Variants in SLC9A7 observed in about 807,000 individuals in gnomAD.
The protein encoded by SLC9A7 is sodium/hydrogen exchanger 7.
SLC9A7 carries 19 observed loss-of-function variants against 52.6 expected under a neutral mutation model. That is an observed-to-expected ratio of 0.36 (90% CI 0.25 to 0.53). The LOEUF (loss-of-function observed/expected upper bound fraction) is 0.53, where lower values mean the gene tolerates loss of function less well. Among genes scored for constraint, SLC9A7 ranks in the 20% least tolerant of loss-of-function variants. The pLI, the probability that SLC9A7 is intolerant of heterozygous loss-of-function variation, is 0.91. For synonymous variants in SLC9A7, 226 were observed against 252.1 expected, an observed-to-expected ratio of 0.90 and a Z score of 0.98; for missense variants, 455 against 597.9, an observed-to-expected ratio of 0.76 and a Z score of 2.49.
At chrX:46,674,683 A>C (rs1363161132) in intron 3 of SLC9A7, among the ~76,000 whole-genome samples, 1 of 111,969 alleles carries the variant, frequency 8.9e-6, no homozygotes, top group East Asian at 2.8e-4. Flanking sequence ...TCTTTGGGAA[A>C]GAAAGGACAG....
intron 1 of SLC9A7, among the ~76,000 whole-genome samples, chrX:46,709,446 ACTAAG>A (rs1944655423): frequency 9.0e-6 from 1 of 111,055 alleles, no homozygotes; most frequent in African/African-American, 3.3e-5. Flanking sequence ...ATTTAAAGGT[ACTAAG>A]CTATCATAAT....
At position 46,621,696 on chromosome X, in the gene SLC9A7, G is replaced by A. The variant is rs190980493; in HGVS notation, c.1741-637C>T. ...TCCTTGCTACTCTCATGCCCTTCCA[G>A]TTTAAACATCCCCATCGTGTAACTT... is the stretch of plus-strand genomic sequence containing the variant. On this transcript the variant is annotated intron_variant, in intron 14 of 16. Transcript: ENST00000616978. 1.3e-4 allele frequency among the ~76,000 whole-genome samples: 15 copies of A among 112,194 alleles called. No individual in the cohort carries two copies. In the Admixed American group the frequency reaches 1.4e-3, roughly 11 times the overall value.
At chrX:46,738,091 GAAAGAAAGAAAGAAAGAGAAA>G (rs1569525276) in intron 1 of SLC9A7, among the ~76,000 whole-genome samples, 10 of 62,522 alleles carry the variant, frequency 1.6e-4, no homozygotes, top group African/African-American at 3.4e-4. Context: ...AAGAAAGAAA[GAAAGAAAGAAAGAAAGAGAAA>G]AGAAAAGAAA....
chrX:46,699,189 T>C (rs1050472035), intron 1 of SLC9A7, among the ~76,000 whole-genome samples: 3 of 111,904 alleles, frequency 2.7e-5, no homozygotes, highest in Non-Finnish European at 5.6e-5. Flanking sequence ...ATATACAAAA[T>C]GTTACAGTTA....
At chrX:46,650,023 G>A (rs1377211653) in intron 10 of SLC9A7, among the ~76,000 whole-genome samples, 1 of 112,376 alleles carries the variant, frequency 8.9e-6, no homozygotes, top group East Asian at 2.8e-4. Flanking sequence ...GGTAAGCATG[G>A]AAATCCAAGA....
Position 46,606,613 on chromosome X carries a change from C to T in SLC9A7, c.*339G>A, listed in dbSNP as rs1942747426. The T allele has an allele frequency of 1.1e-6, 1 of 902,802 alleles. No individual in the cohort carries two copies. The highest frequency in any genetic ancestry group is 1.4e-6 in the Non-Finnish European group (1 of 733,117). The allele number at this position is 902,802 out of a possible 1,213,427, so 74.4% of individuals were successfully genotyped here. A position where few individuals can be genotyped will look rare whatever the true frequency, so the allele number is the denominator to read the frequency against. ...TGCAGCCTCTCATGGGAGGAATCCC[C>T]CCACCCAGCACCTGCCTCGCCTTGT... is the stretch of plus-strand genomic sequence containing the variant. On this transcript the variant is annotated 3_prime_UTR_variant, in exon 17 of 17. Coordinates refer to ENST00000616978, the MANE Select transcript of SLC9A7 (RefSeq NM_001257291.2).
At chrX:46,749,910 G>A (rs1010872598) in intron 1 of SLC9A7, among the ~76,000 whole-genome samples, 2 of 109,913 alleles carry the variant, frequency 1.8e-5, no homozygotes, top group East Asian at 2.9e-4. Flanking sequence ...GTGAAACCCC[G>A]TCTCTACTAA....
Position 46,606,134 on chromosome X carries a change from G to A in SLC9A7, c.*818C>T. On this transcript the variant is annotated 3_prime_UTR_variant, in exon 17 of 17. Transcript: ENST00000616978. ...CACGCCACTGCACTCCAGCCTGGGT[G>A]ACAGAGTGAAACACCATCTCAACAA... is the stretch of plus-strand genomic sequence containing the variant. 8.3e-6 allele frequency: 4 copies of A among 479,325 alleles called. No homozygotes were observed. Among genetic ancestry groups the A allele is most frequent in the Non-Finnish European group, 1.0e-5 (4 of 389,034 alleles). 39.5% of individuals were successfully genotyped at this position (479,325 alleles called of 1,213,427 possible).
At chrX:46,648,943 C>T in intron 10 of SLC9A7, 146 bp from the exon 11 acceptor site, 1 of 424,900 alleles carries the variant, frequency 2.4e-6, no homozygotes, top group Non-Finnish European at 4.0e-6. Flanking sequence ...TGTCTAGTTC[C>T]CCCCTAGACA....
chrX:46,615,169 A>G (rs905116122), intron 15 of SLC9A7, among the ~76,000 whole-genome samples: 1 of 111,768 alleles, frequency 8.9e-6, no homozygotes, highest in African/African-American at 3.3e-5. Context: ...CAGCCTCCCA[A>G]GTAGCTGGGA....
intron 16 of SLC9A7, among the ~76,000 whole-genome samples, chrX:46,610,162 T>C (rs1942825390): frequency 8.9e-6 from 1 of 112,869 alleles, no homozygotes; most frequent in Non-Finnish European, 1.9e-5. Context: ...GCTGAAGGTC[T>C]ATATAATCAT....
At chrX:46,735,896 CT>C (rs1349177306) in intron 1 of SLC9A7, among the ~76,000 whole-genome samples, 15 of 111,236 alleles carry the variant, frequency 1.3e-4, no homozygotes, top group African/African-American at 4.6e-4. Context: ...ACTCCTCCCC[CT>C]GCCCTCTCCC....
At chrX:46,691,880 T>C (rs933751802) in intron 1 of SLC9A7, among the ~76,000 whole-genome samples, 1 of 111,147 alleles carries the variant, frequency 9.0e-6, no homozygotes, top group Non-Finnish European at 1.9e-5. Flanking sequence ...ATTTTACAGT[T>C]ATATAGGGTT....
intron 1 of SLC9A7, among the ~76,000 whole-genome samples, chrX:46,742,728 T>G (rs772215437): frequency 8.9e-6 from 1 of 111,925 alleles, no homozygotes; most frequent in South Asian, 3.7e-4. Context: ...AAAAAGTCAA[T>G]TTTACTTGTG....
chrX:46,655,394 C>T (rs373340352), intron 7 of SLC9A7, among the ~76,000 whole-genome samples: 3 of 112,117 alleles, frequency 2.7e-5, no homozygotes, highest in Non-Finnish European at 3.8e-5. Flanking sequence ...GGAACAGCTC[C>T]GGTCTACAGC....
intron 12 of SLC9A7, among the ~76,000 whole-genome samples, chrX:46,639,044 G>A (rs755835347): frequency 2.7e-5 from 3 of 112,118 alleles, no homozygotes; most frequent in Non-Finnish European, 5.6e-5. Flanking sequence ...AAACAAGGCT[G>A]GTTCAATATT....
chrX:46,746,493 A>G (rs187674247), intron 1 of SLC9A7, among the ~76,000 whole-genome samples: 1 of 112,568 alleles, frequency 8.9e-6, no homozygotes, highest in Non-Finnish European at 1.9e-5. Context: ...TTAAATAAAC[A>G]TTTCTCAAAA....
At chrX:46,711,830 C>G (rs188977892) in intron 1 of SLC9A7, among the ~76,000 whole-genome samples, 17 of 105,622 alleles carry the variant, frequency 1.6e-4, no homozygotes, top group Non-Finnish European at 2.9e-4. Context: ...ATCAGGCCCA[C>G]GTGTCAGGCA....
intron 1 of SLC9A7, among the ~76,000 whole-genome samples, chrX:46,748,414 A>AGGAAGGAAGGAAGGAC (rs1266188596): frequency 2.1e-5 from 2 of 96,447 alleles, no homozygotes; most frequent in Non-Finnish European, 4.4e-5. Context: ...GAAGGAAGGA[A>AGGAAGGAAGGAAGGAC]GGACAGACAG....
Sources: allele counts gnomAD v4.1 joint callset (sites outside exome capture counted in the v4.1 genomes callset), GRCh38; gene constraint gnomAD v4.1.1; transcripts MANE v1.5; gene names NCBI Gene and HGNC (gene_info 2026-07-23, HGNC 2026-07-21).